Variants in GRM1 observed in about 807,000 individuals in gnomAD.
GRM1 encodes the protein metabotropic glutamate receptor 1.
In GRM1, 33 loss-of-function variants were observed where a neutral mutation model predicts 90.9. The ratio of observed to expected loss-of-function variants is 0.36; its 90% CI spans 0.28 to 0.49. The LOEUF is 0.49. Among genes scored for constraint, GRM1 ranks in the 20% least tolerant of loss-of-function variants. GRM1 has a pLI of 0.99. For missense variants in GRM1, 1,190 were observed against 1,534.3 expected, an observed-to-expected ratio of 0.78 and a Z score of 3.75; for synonymous variants, 700 against 613.2, an observed-to-expected ratio of 1.14 and a Z score of -2.09.
At chr6:146,246,229 A>G (rs779392213) in intron 2 of GRM1, among the ~76,000 whole-genome samples, 2 of 152,190 alleles carry the variant, frequency 1.3e-5, no homozygotes, top group South Asian at 4.1e-4. Context: ...TTAGCAACAG[A>G]TGAGTCTGTA....
chr6:146,211,818 A>G (rs920250917), intron 2 of GRM1, among the ~76,000 whole-genome samples: 4 of 152,168 alleles, frequency 2.6e-5, no homozygotes, highest in African/African-American at 9.7e-5. Context: ...GATTCCACTG[A>G]CTGGCTTGTG....
intron 2 of GRM1, among the ~76,000 whole-genome samples, chr6:146,209,589 A>C (rs979322295): frequency 1.3e-5 from 2 of 152,142 alleles, no homozygotes; most frequent in African/African-American, 4.8e-5. Context: ...TGAAAGATTC[A>C]TGGAAAATGG....
intron 1 of GRM1, among the ~76,000 whole-genome samples, chr6:146,112,741 G>A (rs773069845): frequency 2.6e-5 from 4 of 152,162 alleles, no homozygotes; most frequent in Non-Finnish European, 4.4e-5. Context: ...TGGAATTAGA[G>A]ATGCCTCTTG....
chr6:146,259,191 T>G (rs1781591853), intron 2 of GRM1, among the ~76,000 whole-genome samples: 1 of 152,146 alleles, frequency 6.6e-6, no homozygotes, highest in African/African-American at 2.4e-5. Context: ...ATCCATCAAG[T>G]CCTAGTTTAG....
At chr6:146,188,694 A>ATT (rs2114573259) in intron 2 of GRM1, among the ~76,000 whole-genome samples, 1 of 152,298 alleles carries the variant, frequency 6.6e-6, no homozygotes, top group Admixed American at 6.5e-5. Flanking sequence ...ATGCTGACGA[A>ATT]ACGTTTGCTA....
At chr6:146,408,065 G>A (rs1005076064) in intron 7 of GRM1, among the ~76,000 whole-genome samples, 2 of 152,148 alleles carry the variant, frequency 1.3e-5, no homozygotes, top group African/African-American at 4.8e-5. Context: ...TCCTAGATTA[G>A]GGTGCTAGCA....
chr6:146,038,417 A>G (rs554563406), intron 1 of GRM1, among the ~76,000 whole-genome samples: 57 of 152,110 alleles, frequency 3.7e-4, no homozygotes, highest in Admixed American at 5.9e-4. Context: ...CAGTCCCCTA[A>G]GTTTATTATA....
chr6:146,271,420 A>G lies in GRM1; in HGVS notation c.951-33191A>G, dbSNP rs936363097. 4.6e-5 allele frequency among the ~76,000 whole-genome samples: 7 copies of G among 152,152 alleles called. No individual in the cohort carries two copies. The South Asian group carries it at 1.4e-3, about 31-fold the overall frequency. ...AGGTAGGAGGGTTTTACTATGGCTC[A>G]GGAAAGAGACTTGTTAGGAAGCTGG... On this transcript the variant is annotated intron_variant, in intron 2 of 7. Transcript: ENST00000282753.
chr6:146,285,361 A>T (rs1288436316), intron 2 of GRM1, among the ~76,000 whole-genome samples: 1 of 152,232 alleles, frequency 6.6e-6, no homozygotes, highest in Admixed American at 6.5e-5. Flanking sequence ...GCTGAGTGTA[A>T]CTCCAAACAA....
intron 1 of GRM1, among the ~76,000 whole-genome samples, chr6:146,091,448 T>C (rs1406924526): frequency 3.9e-5 from 6 of 152,084 alleles, no homozygotes; most frequent in Non-Finnish European, 8.8e-5. Context: ...ATGTGTGACA[T>C]TGAAGCTGAG....
chr6:146,097,546 A>C (rs945865096), intron 1 of GRM1, among the ~76,000 whole-genome samples: 5 of 152,234 alleles, frequency 3.3e-5, no homozygotes, highest in African/African-American at 1.2e-4. Flanking sequence ...CGTTATAGCC[A>C]GTTTAACCCT....
At chr6:146,218,718 C>T (rs1779956180) in intron 2 of GRM1, among the ~76,000 whole-genome samples, 1 of 152,120 alleles carries the variant, frequency 6.6e-6, no homozygotes, top group Non-Finnish European at 1.5e-5. Context: ...TGAATACATC[C>T]ACAATTCCAG....
At chr6:146,169,441 T>C (rs1778021896) in intron 2 of GRM1, among the ~76,000 whole-genome samples, 2 of 152,264 alleles carry the variant, frequency 1.3e-5, no homozygotes, top group South Asian at 4.1e-4. Context: ...AGTTCCAGGA[T>C]TTGTTTGTTC....
intron 1 of GRM1, among the ~76,000 whole-genome samples, chr6:146,157,594 A>G (rs991418436): frequency 2.6e-5 from 4 of 152,158 alleles, no homozygotes; most frequent in African/African-American, 9.7e-5. Flanking sequence ...CTCAAGAGGG[A>G]CAATGAGGTC....
upstream of GRM1, chr6:146,027,856 C>G (rs1790545600): frequency 6.6e-6 from 1 of 152,416 alleles, no homozygotes; most frequent in Admixed American, 6.5e-5. Flanking sequence ...CCGGTGAAAC[C>G]CACCCACAAC....
intron 4 of GRM1, among the ~76,000 whole-genome samples, chr6:146,354,248 G>A (rs1785506798): frequency 6.6e-6 from 1 of 152,204 alleles, no homozygotes; most frequent in South Asian, 2.1e-4. Flanking sequence ...TCGAGGAAAT[G>A]GTACTAGGAG....
intron 1 of GRM1, among the ~76,000 whole-genome samples, chr6:146,111,240 A>C (rs1775547179): frequency 6.6e-6 from 1 of 152,236 alleles, no homozygotes; most frequent in Admixed American, 6.5e-5. Context: ...ATGGGGAAAA[A>C]AAGTGGGATT....
chr6:146,422,940 AG>A (rs1175177246), intron 7 of GRM1, among the ~76,000 whole-genome samples: 1 of 146,408 alleles, frequency 6.8e-6, no homozygotes, highest in East Asian at 2.2e-4. Flanking sequence ...AGGAGAGGAG[AG>A]GGAAATGGAG....
chr6:146,289,587 T>A (rs891705596), intron 2 of GRM1, among the ~76,000 whole-genome samples: 6 of 152,234 alleles, frequency 3.9e-5, no homozygotes. Flanking sequence ...GGTAGAGTAA[T>A]GTACTAGGCC....
Sources: allele counts gnomAD v4.1 joint callset (sites outside exome capture counted in the v4.1 genomes callset), GRCh38; gene constraint gnomAD v4.1.1; transcripts MANE v1.5; gene names NCBI Gene and HGNC (gene_info 2026-07-23, HGNC 2026-07-21).